Variants in CNBD1 observed in about 807,000 individuals in gnomAD.
The protein encoded by CNBD1 is cyclic nucleotide-binding domain-containing protein 1.
CNBD1 carries 71 observed loss-of-function variants against 54.4 expected under a neutral mutation model. The observed-to-expected ratio is 1.30, with a 90% CI of 1.08 to 1.59. The LOEUF is 1.59. CNBD1 is among the 40% of genes most tolerant of loss of function. The probability of loss-of-function intolerance (pLI) is 0.00; values close to 1 mark genes in which losing one functional copy is unlikely to be tolerated. For missense variants in CNBD1, 659 were observed against 518.0 expected, an observed-to-expected ratio of 1.27 and a Z score of -2.64; for synonymous variants, 182 against 170.7, an observed-to-expected ratio of 1.07 and a Z score of -0.51.
intron 10 of CNBD1, among the ~76,000 whole-genome samples, chr8:87,362,015 G>T (rs1209549686): frequency 2.0e-5 from 3 of 152,002 alleles, no homozygotes; most frequent in African/African-American, 4.8e-5. Context: ...CTTTGTTTAA[G>T]AATGTCTGTC....
chr8:86,963,361 A>G (rs1044776823), intron 4 of CNBD1, among the ~76,000 whole-genome samples: 1 of 152,150 alleles, frequency 6.6e-6, no homozygotes, highest in African/African-American at 2.4e-5. Flanking sequence ...AGTCATGCTC[A>G]CCTGCACTGT....
At chr8:86,960,138 C>T (rs139205997) in intron 4 of CNBD1, among the ~76,000 whole-genome samples, 2,569 of 152,148 alleles carry the variant, frequency 0.017, 57 homozygotes, top group African/African-American at 0.05. Flanking sequence ...TGGAGCTTGT[C>T]GGATAGTGGG....
chr8:87,405,467 G>A lies in CNBD1; in HGVS notation c.214-23079G>A, dbSNP rs1446111959. On this transcript the variant is annotated intron_variant, in intron 2 of 7. Coordinates refer to the CNBD1 transcript ENST00000521593. ...ACTACTACGAGATTATGTAATGCAA[G>A]CATATCCTTTGATTTTGTTACAAGA... 2.0e-5 allele frequency among the ~76,000 whole-genome samples: 3 copies of A among 152,100 alleles called. No individual in the cohort carries two copies. The East Asian group carries it at 5.8e-4, about 30-fold the overall frequency.
intron 8 of CNBD1, among the ~76,000 whole-genome samples, chr8:87,306,602 A>C (rs1197517654): frequency 6.6e-6 from 1 of 152,218 alleles, no homozygotes; most frequent in Non-Finnish European, 1.5e-5. Context: ...ATGAGTTAAC[A>C]GCATTTGTAG....
intron 4 of CNBD1, among the ~76,000 whole-genome samples, chr8:87,024,256 A>G (rs936814315): frequency 1.3e-5 from 2 of 151,396 alleles, no homozygotes; most frequent in Non-Finnish European, 2.9e-5. Context: ...AAGAAAAAAA[A>G]AAAAAAAAGC....
At chr8:87,391,184 A>T (rs1461278242) in intron 2 of CNBD1, among the ~76,000 whole-genome samples, 3 of 152,214 alleles carry the variant, frequency 2.0e-5, no homozygotes, top group African/African-American at 7.2e-5. Context: ...TGGCATATGT[A>T]TACATATGTG....
chr8:86,997,210 T>C (rs572601517), intron 4 of CNBD1, among the ~76,000 whole-genome samples: 1 of 152,306 alleles, frequency 6.6e-6, no homozygotes, highest in Admixed American at 6.5e-5. Context: ...TTGTTTCTTT[T>C]TACCTTTGTG....
chr8:87,392,243 G>C (rs1167982184), intron 2 of CNBD1, among the ~76,000 whole-genome samples: 2 of 151,936 alleles, frequency 1.3e-5, no homozygotes, highest in Non-Finnish European at 2.9e-5. Context: ...AAACAACATG[G>C]CAGTTTCTCC....
chr8:87,352,334 G>C (rs982512003), intron 9 of CNBD1, among the ~76,000 whole-genome samples: 1 of 152,000 alleles, frequency 6.6e-6, no homozygotes, highest in Admixed American at 6.6e-5. Context: ...ACAAAAATTA[G>C]CTGGGTGTGG....
chr8:87,183,535 C>G (rs1215224667), intron 4 of CNBD1, among the ~76,000 whole-genome samples: 1 of 151,844 alleles, frequency 6.6e-6, no homozygotes, highest in Non-Finnish European at 1.5e-5. Flanking sequence ...TCTGTTGTTC[C>G]AGCCATTTCA....
intron 5 of CNBD1, among the ~76,000 whole-genome samples, chr8:87,218,380 A>C (rs1332462654): frequency 6.6e-6 from 1 of 152,104 alleles, no homozygotes; most frequent in Non-Finnish European, 1.5e-5. Context: ...GATGTAGTTC[A>C]TGCATTCTTC....
intron 10 of CNBD1, among the ~76,000 whole-genome samples, chr8:87,381,527 T>G (rs1288689840): frequency 6.6e-6 from 1 of 151,954 alleles, no homozygotes. Context: ...GTTCTAGATA[T>G]TTTCTAAAGG....
intron 8 of CNBD1, among the ~76,000 whole-genome samples, chr8:87,324,815 G>C (rs143903997): frequency 2.1e-5 from 2 of 96,898 alleles, no homozygotes; most frequent in Non-Finnish European, 4.6e-5. Context: ...AGTTCTGCTC[G>C]GATTTTAGTT....
intron 4 of CNBD1, among the ~76,000 whole-genome samples, chr8:87,168,533 A>G (rs978834307): frequency 5.9e-5 from 9 of 151,632 alleles, no homozygotes; most frequent in Non-Finnish European, 1.2e-4. Flanking sequence ...TATCCTTTCC[A>G]TTTTTGTATA....
chr8:87,222,004 T>C (rs552138371), intron 5 of CNBD1, among the ~76,000 whole-genome samples: 1 of 152,200 alleles, frequency 6.6e-6, no homozygotes, highest in Non-Finnish European at 1.5e-5. Flanking sequence ...GATTCTTTAA[T>C]ATAATAAAAG....
At chr8:86,927,535 G>A (rs1040338227) in intron 3 of CNBD1, among the ~76,000 whole-genome samples, 3 of 152,146 alleles carry the variant, frequency 2.0e-5, no homozygotes, top group African/African-American at 7.2e-5. Flanking sequence ...TGATGGGATA[G>A]TAGGTGCCCC....
intron 4 of CNBD1, among the ~76,000 whole-genome samples, chr8:87,116,228 G>T (rs1811765877): frequency 9.2e-6 from 1 of 109,026 alleles, no homozygotes; most frequent in Non-Finnish European, 1.7e-5. Context: ...TTGAGACAGA[G>T]TCTTGCTTCG....
intron 4 of CNBD1, among the ~76,000 whole-genome samples, chr8:87,185,878 T>C (rs1813465067): frequency 6.6e-6 from 1 of 152,136 alleles, no homozygotes; most frequent in Non-Finnish European, 1.5e-5. Flanking sequence ...GTCTCCTCAG[T>C]TATGTCTCCT....
intron 4 of CNBD1, among the ~76,000 whole-genome samples, chr8:87,119,894 A>G (rs1354074421): frequency 6.6e-6 from 1 of 152,030 alleles, no homozygotes; most frequent in Non-Finnish European, 1.5e-5. Context: ...TTATTTGCAT[A>G]TGTTGAACTA....
Sources: allele counts gnomAD v4.1 joint callset (sites outside exome capture counted in the v4.1 genomes callset), GRCh38; gene constraint gnomAD v4.1.1; transcripts MANE v1.5; gene names NCBI Gene and HGNC (gene_info 2026-07-23, HGNC 2026-07-21).